The following CMPK2 variants were observed in gnomAD, a reference collection of about 807,000 sequenced individuals.
The protein encoded by CMPK2 is UMP-CMP kinase 2, mitochondrial.
Under a neutral mutation model 33.4 loss-of-function variants are expected in CMPK2, and 32 were observed. The ratio of observed to expected loss-of-function variants is 0.96; its 90% CI spans 0.72 to 1.29. The LOEUF is 1.29. Ranked by LOEUF, CMPK2 falls within the 50% of genes most tolerant of loss-of-function variation. The pLI is 0.00. For synonymous variants in CMPK2, 299 were observed against 275.3 expected (o/e 1.09, Z -0.85); for missense variants, 672 against 616.0 (o/e 1.09, Z -0.96).
At chr2:6,850,903 T>C in intron 4 of CMPK2, 2 of 992,360 alleles carry the variant, frequency 2.0e-6, no homozygotes, top group Non-Finnish European at 2.4e-6. Context: ...ACTTTCTAAT[T>C]AAAACAAAAA....
intron 3 of CMPK2, 150 bp from the exon 4 acceptor site, chr2:6,851,833 C>A: frequency 1.6e-6 from 1 of 629,652 alleles, no homozygotes; most frequent in Non-Finnish European, 2.7e-6. Context: ...ATTTTATAAA[C>A]TAAAAAAAGT....
intron 3 of CMPK2, among the ~76,000 whole-genome samples, chr2:6,842,731 A>T (rs1298935694): frequency 6.6e-6 from 1 of 152,194 alleles, no homozygotes; most frequent in East Asian, 1.9e-4. Flanking sequence ...TTCTTTTATA[A>T]GGTGATATGA....
chr2:6,865,345 A>T lies in CMPK2; in HGVS notation c.352T>A (p.Tyr118Asn). Residue 118 changes from tyrosine to asparagine, a missense_variant, in exon 1 of 5, where the codon TAC (tyrosine) becomes AAC (asparagine). Coordinates refer to ENST00000256722, the MANE Select transcript of CMPK2 (RefSeq NM_207315.4). ...CCGCCGGCCTGGCCGCCCGGGCAGT[A>T]GCAGAGCAGCCTGAGCAGCTGGCAC... ...QRCQLLRLLC[Y>N]CPGGQAGGAQ... is the part of the protein sequence containing the mutation. 6.8e-7 allele frequency: 1 copy of T among 1,479,846 alleles called. No individual in the cohort carries two copies. Among genetic ancestry groups the T allele is most frequent in the Non-Finnish European group, 8.9e-7 (1 of 1,123,234 alleles). 91.7% of individuals were successfully genotyped at this position (1,479,846 alleles called of 1,614,324 possible).
chr2:6,864,096 A>T (rs941214441), intron 1 of CMPK2, among the ~76,000 whole-genome samples: 1 of 152,198 alleles, frequency 6.6e-6, no homozygotes, highest in Non-Finnish European at 1.5e-5. Context: ...ATCTCACTGC[A>T]CGCTCACAGC....
At chr2:6,846,280 G>A (rs961046550), downstream of CMPK2, among the ~76,000 whole-genome samples, 7 of 152,168 alleles carry the variant, frequency 4.6e-5, no homozygotes, top group Non-Finnish European at 8.8e-5. Flanking sequence ...ACAATGCTGA[G>A]CTATTATATG....
downstream of CMPK2, among the ~76,000 whole-genome samples, chr2:6,844,839 G>T (rs1558319420): frequency 6.6e-6 from 1 of 152,070 alleles, no homozygotes; most frequent in Non-Finnish European, 1.5e-5. Flanking sequence ...GTTAAATTTT[G>T]GAAAGACTCT....
intron 4 of CMPK2, chr2:6,850,863 G>T (rs1420997157): frequency 4.0e-6 from 4 of 990,232 alleles, no homozygotes; most frequent in Non-Finnish European, 4.8e-6. Context: ...AGGAGGCCTG[G>T]CCAGACTCTC....
Position 6,865,185 on chromosome 2 carries a change from T to G in CMPK2, c.512A>C (p.Gln171Pro). The G allele has an allele frequency of 6.5e-7, 1 of 1,534,296 alleles. No homozygotes were observed. The highest frequency in any genetic ancestry group is 2.6e-5 in the East Asian group (1 of 38,422). ...LGEFEADPRGQLWQRLWEVQD... is the reference protein window; with the variant it reads ...LGEFEADPRGPLWQRLWEVQD... ...CACCTCCCAGAGGCGCTGCCACAGC[T>G]GGCCGCGCGGGTCGGCCTCGAACTC... Residue 171 changes from glutamine (Q) to proline (P), a missense_variant, in exon 1 of 5, where the codon CAG becomes CCG. Coordinates refer to ENST00000256722, the MANE Select transcript of CMPK2 (RefSeq NM_207315.4).
intron 3 of CMPK2, among the ~76,000 whole-genome samples, chr2:6,855,310 C>CGCCTCT (rs138463540): frequency 6.8e-6 from 1 of 146,788 alleles, no homozygotes; most frequent in African/African-American, 2.6e-5. Context: ...CCTGCTCTCT[C>CGCCTCT]GCCTCTGCCT....
At chr2:6,848,239 C>T, downstream of CMPK2, 3 of 631,686 alleles carry the variant, frequency 4.7e-6, no homozygotes, top group African/African-American at 2.0e-5. Flanking sequence ...AATTTCCCTC[C>T]TTTACATCAC....
rs924580211 is a variant in CMPK2, at chr2:6,849,552, C to T, written c.*298G>A. Reference sequence around the variant, plus strand: ...GTGCTGTCTGAGTAAGACAGGTCTTCCAGATATTTGGTAGTGATTAAGTGA... The same window carrying T: ...GTGCTGTCTGAGTAAGACAGGTCTTTCAGATATTTGGTAGTGATTAAGTGA... On this transcript the variant is annotated 3_prime_UTR_variant, in exon 5 of 5. Transcript: ENST00000256722. 2 of 1,130,784 alleles carry T rather than the reference C, an allele frequency of 1.8e-6. No individual in the cohort carries two copies. The highest frequency in any genetic ancestry group is 1.0e-4 in the Admixed American group (2 of 19,292). The allele number at this position is 1,130,784 out of a possible 1,614,324, so 70.0% of individuals were successfully genotyped here.
At chr2:6,846,508 G>A (rs142737911), downstream of CMPK2, among the ~76,000 whole-genome samples, 27 of 152,202 alleles carry the variant, frequency 1.8e-4, no homozygotes, top group East Asian at 5.8e-4. Flanking sequence ...ACTCTACTCC[G>A]CAAGATTATA....
At position 6,865,327 on chromosome 2, in the gene CMPK2, C is replaced by T; in HGVS notation, c.370G>A (p.Ala124Thr). ...RLLCYCPGGQ[A>T]GGAQQGFLLR... ...AGGAAGCCTTGCTGTGCGCCGCCGG[C>T]CTGGCCGCCCGGGCAGTAGCAGAGC... is the stretch of plus-strand genomic sequence containing the variant. The change falls in exon 1 of 5, where the codon GCC (alanine) becomes ACC (threonine). Residue 124 changes from alanine to threonine, a missense_variant. Ala to Thr is a moderately conservative substitution (Grantham distance 58). Coordinates refer to ENST00000256722, the MANE Select transcript of CMPK2 (RefSeq NM_207315.4). 1.3e-6 allele frequency: 2 copies of T among 1,492,068 alleles called. No homozygotes were observed. The highest frequency in any genetic ancestry group is 1.8e-6 in the Non-Finnish European group (2 of 1,128,810). The allele number at this position is 1,492,068 out of a possible 1,614,324, so 92.4% of individuals were successfully genotyped here. A position where few individuals can be genotyped will look rare whatever the true frequency, so the allele number is the denominator to read the frequency against.
upstream of CMPK2, chr2:6,865,939 C>G (rs1663074017): frequency 7.4e-7 from 1 of 1,342,850 alleles, no homozygotes; most frequent in African/African-American, 1.6e-5. Context: ...CGGGAGCAGA[C>G]GCTTGGCCCC....
intron 3 of CMPK2, among the ~76,000 whole-genome samples, chr2:6,857,563 C>T (rs1225071330): frequency 1.3e-5 from 2 of 151,916 alleles, no homozygotes; most frequent in Non-Finnish European, 1.5e-5. Context: ...AGCACTCTTC[C>T]CACCTCAGCC....
chr2:6,852,855 A>G (rs932490972), intron 3 of CMPK2, among the ~76,000 whole-genome samples: 5 of 152,220 alleles, frequency 3.3e-5, no homozygotes, highest in East Asian at 1.9e-4. Flanking sequence ...ATATAAAAGG[A>G]CCATCACTCA....
exon 4 of CMPK2, chr2:6,840,612 A>G (rs1199333132): frequency 2.8e-6 from 2 of 702,348 alleles, no homozygotes; most frequent in South Asian, 3.0e-5. Context: ...CCAAGATTCC[A>G]GTCCCACAAA....
chr2:6,856,664 T>C (rs1036720062), intron 3 of CMPK2, among the ~76,000 whole-genome samples: 1 of 152,270 alleles, frequency 6.6e-6, no homozygotes, highest in Non-Finnish European at 1.5e-5. Context: ...ACCACATTTA[T>C]CTCTACTTCC....
At chr2:6,864,810 C>G (rs1327302130) in intron 1 of CMPK2, among the ~76,000 whole-genome samples, 1 of 152,200 alleles carries the variant, frequency 6.6e-6, no homozygotes, top group Non-Finnish European at 1.5e-5. Flanking sequence ...TGGTGTAGGT[C>G]TATGTTCCAC....
Sources: gnomAD v4.1 joint callset for allele counts (sites outside exome capture counted in the v4.1 genomes callset) on GRCh38, gnomAD v4.1.1 for gene constraint, MANE v1.5 for transcripts, NCBI Gene and HGNC (gene_info 2026-07-23, HGNC 2026-07-21) for gene names.